PEX14: variants seen among roughly 807,000 people sequenced by gnomAD.
PEX14 encodes the protein peroxisomal biogenesis factor 14, also known as peroxisomal membrane protein PEX14.
A neutral mutation model predicts 49.5 loss-of-function variants in PEX14; 15 were observed. The observed-to-expected ratio is 0.30, with a 90% CI of 0.20 to 0.47. The LOEUF (loss-of-function observed/expected upper bound fraction) is 0.47, where lower values mean the gene tolerates loss of function less well. PEX14 is among the 20% of genes least tolerant of loss of function. The pLI, the probability that PEX14 is intolerant of heterozygous loss-of-function variation, is 1.00. For missense variants in PEX14, 398 were observed against 494.8 expected (o/e 0.80, Z 1.86); for synonymous variants, 210 against 212.7 (o/e 0.99, Z 0.11).
At chr1:10,556,092 T>G (rs1639480874) in intron 3 of PEX14, among the ~76,000 whole-genome samples, 1 of 152,148 alleles carries the variant, frequency 6.6e-6, no homozygotes, top group South Asian at 2.1e-4. Flanking sequence ...GAAACCGCCT[T>G]CTGCAGGCAC....
At chr1:10,599,807 G>A (rs1424535191) in intron 4 of PEX14, among the ~76,000 whole-genome samples, 2 of 152,150 alleles carry the variant, frequency 1.3e-5, no homozygotes, top group East Asian at 1.9e-4. Context: ...GTTTAGGTCA[G>A]CCTCCATTTC....
chr1:10,559,276 A>G (rs1160007495), intron 3 of PEX14, among the ~76,000 whole-genome samples: 1 of 152,340 alleles, frequency 6.6e-6, no homozygotes, highest in Non-Finnish European at 1.5e-5. Context: ...TATAAGAGAC[A>G]TAGCCATGAT....
intron 4 of PEX14, among the ~76,000 whole-genome samples, chr1:10,616,443 G>A (rs1420203116): frequency 1.3e-5 from 2 of 152,166 alleles, no homozygotes; most frequent in East Asian, 1.9e-4. Context: ...GTGTTGTGAC[G>A]TTCCTTCCCA....
At chr1:10,561,258 C>T (rs1639645900) in intron 3 of PEX14, among the ~76,000 whole-genome samples, 1 of 152,180 alleles carries the variant, frequency 6.6e-6, no homozygotes. Flanking sequence ...TTTACATTTT[C>T]CCAGTTGCCC....
chr1:10,577,554 ATATATATATTTTTTTTTTTTTTTTTTT>A (rs1640174088), intron 3 of PEX14, among the ~76,000 whole-genome samples: 4 of 8,086 alleles, frequency 4.9e-4, no homozygotes, highest in East Asian at 0.01. Context: ...ATATATATAT[ATATATATATTTTTTTTTTTTTTTTTTT>A]TTTTTTTTTT....
intron 2 of PEX14, among the ~76,000 whole-genome samples, chr1:10,531,665 T>G (rs183216517): frequency 6.6e-4 from 101 of 152,336 alleles, no homozygotes; most frequent in Non-Finnish European, 1.0e-3. Context: ...CATTAATTTT[T>G]GAATATTTTT....
intron 4 of PEX14, among the ~76,000 whole-genome samples, chr1:10,606,242 C>G (rs966009282): frequency 1.3e-5 from 2 of 152,254 alleles, no homozygotes; most frequent in African/African-American, 4.8e-5. Flanking sequence ...TCCTGACTGG[C>G]TCTCATCCGT....
chr1:10,476,830 T>C (rs1239637411), intron 1 of PEX14, among the ~76,000 whole-genome samples: 1 of 152,138 alleles, frequency 6.6e-6, no homozygotes, highest in Non-Finnish European at 1.5e-5. Context: ...TTGCCAGTGC[T>C]GTAAACAGTA....
chr1:10,485,758 G>GTTT (rs544485030), intron 1 of PEX14, among the ~76,000 whole-genome samples: 1 of 139,930 alleles, frequency 7.1e-6, no homozygotes, highest in Non-Finnish European at 1.6e-5. Context: ...AATTCTAGTA[G>GTTT]TTTTTTTTTT....
intron 1 of PEX14, among the ~76,000 whole-genome samples, chr1:10,479,274 G>A (rs1380058802): frequency 6.6e-6 from 1 of 152,164 alleles, no homozygotes; most frequent in Non-Finnish European, 1.5e-5. Flanking sequence ...CTACTTTGGA[G>A]GCTGAGGTGA....
At chr1:10,625,168 C>T (rs922744527) in intron 7 of PEX14, among the ~76,000 whole-genome samples, 23 of 152,208 alleles carry the variant, frequency 1.5e-4, no homozygotes, top group African/African-American at 5.5e-4. Flanking sequence ...AAGAGGGTGC[C>T]TGGCTCCAGC....
intron 5 of PEX14, among the ~76,000 whole-genome samples, chr1:10,622,208 G>C (rs138405541): frequency 1.6e-3 from 238 of 152,254 alleles, no homozygotes; most frequent in African/African-American, 5.6e-3. Context: ...CGGCTCCTTC[G>C]GGCATCCCTG....
intron 3 of PEX14, among the ~76,000 whole-genome samples, chr1:10,571,796 G>A (rs1395754764): frequency 1.3e-5 from 2 of 152,136 alleles, no homozygotes; most frequent in African/African-American, 2.4e-5. Context: ...GCAACAGAGT[G>A]AGGCTCTGTC....
At chr1:10,530,938 G>A (rs1638631877) in intron 2 of PEX14, among the ~76,000 whole-genome samples, 1 of 152,116 alleles carries the variant, frequency 6.6e-6, no homozygotes. Flanking sequence ...CTTCTACTCT[G>A]GTTTAGGATA....
At chr1:10,509,986 T>C (rs1641855223) in intron 2 of PEX14, among the ~76,000 whole-genome samples, 1 of 152,228 alleles carries the variant, frequency 6.6e-6, no homozygotes, top group Non-Finnish European at 1.5e-5. Flanking sequence ...CTCAAGATAA[T>C]TGGTAGCTCC....
intron 1 of PEX14, among the ~76,000 whole-genome samples, chr1:10,478,949 C>T (rs1014072016): frequency 6.6e-6 from 1 of 151,796 alleles, no homozygotes; most frequent in African/African-American, 2.4e-5. Flanking sequence ...GACGATGTTT[C>T]ACCGTATTAG....
chr1:10,557,834 C>CTT (rs70997249), intron 3 of PEX14, among the ~76,000 whole-genome samples: 1 of 146,476 alleles, frequency 6.8e-6, no homozygotes, highest in Non-Finnish European at 1.5e-5. Flanking sequence ...ATTTGCCTAC[C>CTT]TTTTTTTTTT....
At chr1:10,589,951 G>A (rs966910829) in intron 3 of PEX14, among the ~76,000 whole-genome samples, 1 of 152,184 alleles carries the variant, frequency 6.6e-6, no homozygotes, top group African/African-American at 2.4e-5. Context: ...ATGATAGGCT[G>A]GAAGTCAGAG....
rs934615530 is a variant in PEX14, at chr1:10,494,336, GAC to G, written c.37-932_37-931del. 4.6e-5 allele frequency among the ~76,000 whole-genome samples: 7 copies of G among 152,204 alleles called. No individual in the cohort carries two copies. Among genetic ancestry groups the G allele is most frequent in the Admixed American group, 3.3e-4 (5 of 15,274 alleles). The stretch of plus-strand genomic sequence containing the variant: ...ATGGAGGCTGCAGGCTGTCTCCTGG[GAC>G]ACACAGATTTTGCTGCACTTGTCTG... On this transcript the variant is annotated intron_variant, in intron 1 of 8. Transcript: ENST00000356607. This position sits in a 1 kb window ranked among gnomAD's most constrained non-coding sequence, Gnocchi z 4.3.
Sources: allele counts gnomAD v4.1 joint callset (sites outside exome capture counted in the v4.1 genomes callset), GRCh38; gene constraint gnomAD v4.1.1; non-coding constraint Gnocchi (gnomAD v3.1); transcripts MANE v1.5; gene names NCBI Gene and HGNC (gene_info 2026-07-23, HGNC 2026-07-21).